OSBP2: variants seen among roughly 807,000 people sequenced by gnomAD.
The protein encoded by OSBP2 is oxysterol binding protein 2, also known as oxysterol-binding protein 2.
Under a neutral mutation model 96.0 loss-of-function variants are expected in OSBP2, and 66 were observed. The ratio of observed to expected loss-of-function variants is 0.69; its 90% CI spans 0.56 to 0.84. The LOEUF (loss-of-function observed/expected upper bound fraction) is 0.84. OSBP2 is among the 40% of genes least tolerant of loss of function. OSBP2 has a pLI of 0.00. For missense variants in OSBP2, 1,038 were observed against 1,222.7 expected (o/e 0.85, Z 2.25); for synonymous variants, 525 against 520.9 (o/e 1.01, Z -0.11).
chr22:30,739,973 G>C (rs901694104), intron 1 of OSBP2, among the ~76,000 whole-genome samples: 1 of 152,114 alleles, frequency 6.6e-6, no homozygotes, highest in South Asian at 2.1e-4. Flanking sequence ...AGCCTCCCGA[G>C]TAGCTGGGAT....
At chr22:30,760,574 G>A (rs1240589705) in intron 2 of OSBP2, among the ~76,000 whole-genome samples, 1 of 152,136 alleles carries the variant, frequency 6.6e-6, no homozygotes, top group Non-Finnish European at 1.5e-5. Context: ...CCAGCACTTT[G>A]GAAGGCCAAT....
At chr22:30,876,400 G>A (rs1232871409) in intron 3 of OSBP2, among the ~76,000 whole-genome samples, 1 of 152,162 alleles carries the variant, frequency 6.6e-6, no homozygotes, top group Non-Finnish European at 1.5e-5. Flanking sequence ...TGTGGGTGGT[G>A]GCCTCACCGC....
chr22:30,892,033 G>A (rs1304923396), intron 8 of OSBP2, among the ~76,000 whole-genome samples: 2 of 152,090 alleles, frequency 1.3e-5, no homozygotes, highest in Non-Finnish European at 2.9e-5. Flanking sequence ...GGTGCACCCC[G>A]GGTGGGGCCT....
At position 30,779,945 on chromosome 22, in the gene OSBP2, C is replaced by T. The variant is rs981967784; in HGVS notation, c.853+38576C>T. On this transcript the variant is annotated intron_variant, in intron 2 of 13. Coordinates refer to ENST00000332585, the MANE Select transcript of OSBP2 (RefSeq NM_030758.4). The stretch of plus-strand genomic sequence containing the variant: ...CTCTCCCCACAGCTTGTCTTCCCTC[C>T]TCAGGCTGTCTGTTGCCCCTTGGTG... Among the ~76,000 whole-genome samples, 46 of 152,208 alleles carry T rather than the reference C, an allele frequency of 3.0e-4. 1 individual carries two copies. The highest frequency in any genetic ancestry group is 1.1e-3 in the African/African-American group (46 of 41,452).
At chr22:30,876,566 G>A (rs1311601860) in intron 3 of OSBP2, among the ~76,000 whole-genome samples, 5 of 152,186 alleles carry the variant, frequency 3.3e-5, no homozygotes, top group Non-Finnish European at 7.4e-5. Context: ...AGCCTCTCCC[G>A]ACCCGTTCCC....
chr22:30,875,874 T>C (rs1602399011), intron 3 of OSBP2, among the ~76,000 whole-genome samples: 1 of 152,246 alleles, frequency 6.6e-6, no homozygotes, highest in East Asian at 1.9e-4. Context: ...TGCCCAGGCC[T>C]GTGCCAGGCA....
At chr22:30,807,160 C>T (rs745736707) in intron 2 of OSBP2, among the ~76,000 whole-genome samples, 2 of 152,132 alleles carry the variant, frequency 1.3e-5, no homozygotes, top group East Asian at 3.9e-4. Flanking sequence ...CCTGCAGGTG[C>T]GCTCCTTTTC....
At chr22:30,735,551 A>G (rs2089839582) in intron 1 of OSBP2, among the ~76,000 whole-genome samples, 1 of 150,442 alleles carries the variant, frequency 6.6e-6, no homozygotes, top group Admixed American at 6.7e-5. Flanking sequence ...GCCTCAAGTG[A>G]TCTCCCACTT....
chr22:30,850,129 C>T (rs1310549694), intron 2 of OSBP2, among the ~76,000 whole-genome samples: 1 of 151,744 alleles, frequency 6.6e-6, no homozygotes, highest in Non-Finnish European at 1.5e-5. Flanking sequence ...ATGGTGAAAC[C>T]CCATTCTCTA....
intron 1 of OSBP2, among the ~76,000 whole-genome samples, chr22:30,727,740 TA>T (rs1367481345): frequency 4.6e-5 from 7 of 152,022 alleles, no homozygotes; most frequent in Admixed American, 1.3e-4. Context: ...AGTAGACAAA[TA>T]AGTGTTTAGC....
At chr22:30,895,421 G>A (rs1159467491) in intron 12 of OSBP2, among the ~76,000 whole-genome samples, 1 of 152,136 alleles carries the variant, frequency 6.6e-6, no homozygotes. Context: ...TCAAAATGAA[G>A]ACCGAAGAAA....
At chr22:30,774,397 T>C (rs1234023339) in intron 2 of OSBP2, among the ~76,000 whole-genome samples, 1 of 152,158 alleles carries the variant, frequency 6.6e-6, no homozygotes, top group Non-Finnish European at 1.5e-5. Context: ...GTGACGGTCA[T>C]TGTGGAGAGC....
At position 30,906,084 on chromosome 22, in the gene OSBP2, GA is replaced by G; in HGVS notation, c.2608+17del. ...CTCGGAGGAAGGTGAGGCCGGGCGGGAAGGGCGCCCCGGAGGGGAGGAAAGG... is the reference window on the plus strand; with the variant it reads ...CTCGGAGGAAGGTGAGGCCGGGCGGGAGGGCGCCCCGGAGGGGAGGAAAGG... On this transcript the variant is annotated intron_variant, in intron 13 of 13. Transcript: ENST00000332585. 4 of 1,515,580 alleles carry G rather than the reference GA, an allele frequency of 2.6e-6. No homozygotes were observed. Among genetic ancestry groups the G allele is most frequent in the Non-Finnish European group, 3.6e-6 (4 of 1,124,330 alleles). The allele number at this position is 1,515,580 out of a possible 1,614,324, so 93.9% of individuals were successfully genotyped here. A position where few individuals can be genotyped will look rare whatever the true frequency, so the allele number is the denominator to read the frequency against.
At chr22:30,761,190 C>T (rs2090200770) in intron 2 of OSBP2, among the ~76,000 whole-genome samples, 1 of 152,156 alleles carries the variant, frequency 6.6e-6, no homozygotes, top group African/African-American at 2.4e-5. Flanking sequence ...TTGCAAGCGA[C>T]ATGATGGCTG....
At chr22:30,862,281 G>A (rs1303556902) in intron 2 of OSBP2, among the ~76,000 whole-genome samples, 1 of 152,202 alleles carries the variant, frequency 6.6e-6, no homozygotes, top group Non-Finnish European at 1.5e-5. Context: ...AGCAGGGCAG[G>A]CTGGGCAGGG....
At chr22:30,756,714 A>AC (rs370234485) in intron 2 of OSBP2, among the ~76,000 whole-genome samples, 22 of 152,132 alleles carry the variant, frequency 1.4e-4, no homozygotes, top group African/African-American at 5.1e-4. Flanking sequence ...AAACAAACAA[A>AC]AAAAACCTCT....
rs143978224 is a variant in OSBP2 at position 30,870,829 on chromosome 22, A to G, written c.1107+147A>G. 2.8e-5 allele frequency: 22 copies of G among 789,730 alleles called. No homozygotes were observed. The East Asian group carries it at 5.9e-4, about 21-fold the overall frequency. The allele number at this position is 789,730 out of a possible 1,614,324, so 48.9% of individuals were successfully genotyped here. On this transcript the variant is annotated intron_variant, in intron 3 of 13. Coordinates refer to ENST00000332585, the MANE Select transcript of OSBP2 (RefSeq NM_030758.4). This position sits in a 1 kb window ranked among gnomAD's most constrained non-coding sequence, Gnocchi z 4.1. ...TTCCCAAAGCCAGCGCCCCCCAGCT[A>G]GCTTCCGAGTTCTTAAATCATCTCC... is the stretch of plus-strand genomic sequence containing the variant.
At chr22:30,713,148 G>A (rs1346465428) in intron 1 of OSBP2, among the ~76,000 whole-genome samples, 3 of 149,014 alleles carry the variant, frequency 2.0e-5, no homozygotes, top group Non-Finnish European at 3.0e-5. Context: ...GCGTGATCTC[G>A]GCTCACTGCA....
At chr22:30,867,345 C>T (rs1229245249) in intron 2 of OSBP2, among the ~76,000 whole-genome samples, 2 of 152,200 alleles carry the variant, frequency 1.3e-5, no homozygotes, top group East Asian at 1.9e-4. Flanking sequence ...TTCCAACCTA[C>T]TCCTCTGTGT....
Sources: allele counts gnomAD v4.1 joint callset (sites outside exome capture counted in the v4.1 genomes callset), GRCh38; gene constraint gnomAD v4.1.1; non-coding constraint Gnocchi (gnomAD v3.1); transcripts MANE v1.5; gene names NCBI Gene and HGNC (gene_info 2026-07-23, HGNC 2026-07-21).